SNIP1: variants seen among roughly 807,000 people sequenced by gnomAD.
The protein encoded by SNIP1 is Smad nuclear interacting protein 1, also known as smad nuclear-interacting protein 1.
SNIP1 carries 23 observed loss-of-function variants against 37.4 expected under a neutral mutation model. That is an observed-to-expected ratio of 0.61 (90% CI 0.44 to 0.87). SNIP1 has a LOEUF of 0.87. Ranked by LOEUF, SNIP1 falls within the 40% of genes least tolerant of loss-of-function variation. The probability of loss-of-function intolerance (pLI) is 0.00; values close to 1 mark genes in which losing one functional copy is unlikely to be tolerated. For missense variants in SNIP1, 459 were observed against 540.4 expected, an observed-to-expected ratio of 0.85 and a Z score of 1.49; for synonymous variants, 174 against 200.0, an observed-to-expected ratio of 0.87 and a Z score of 1.10.
At position 37,545,360 on chromosome 1, in the gene SNIP1, A is replaced by G. The variant is rs1643220919; in HGVS notation, c.328-4605T>C. ...ACTTCCCTGGTCACCAAGGCAGTGC[A>G]TGCATGTTGGGGTCTCCTTTACCTT... On this transcript the variant is annotated intron_variant, in intron 2 of 3. Coordinates refer to ENST00000296215, the MANE Select transcript of SNIP1 (RefSeq NM_024700.4). 5.7e-6 allele frequency: 3 copies of G among 528,704 alleles called. No individual in the cohort carries two copies. In the Admixed American group the frequency reaches 6.5e-5, roughly 11 times the overall value. 32.8% of individuals were successfully genotyped at this position (528,704 alleles called of 1,614,324 possible). A position where few individuals can be genotyped will look rare whatever the true frequency, so the allele number is the denominator to read the frequency against.
At chr1:37,550,707 C>CAAAAAAT (rs561025778) in intron 2 of SNIP1, among the ~76,000 whole-genome samples, 14 of 150,092 alleles carry the variant, frequency 9.3e-5, no homozygotes, top group East Asian at 2.0e-4. Flanking sequence ...AACTCCGTCT[C>CAAAAAAT]AAAAAATAAA....
chr1:37,535,327 G>C lies in SNIP1; in HGVS notation c.*2421C>G, dbSNP rs1245747283. On this transcript the variant is annotated 3_prime_UTR_variant, in exon 4 of 4. Coordinates refer to ENST00000296215, the MANE Select transcript of SNIP1 (RefSeq NM_024700.4). ...GAATCGCTTGAAACTGGGAGGCGGA[G>C]GTTGCAGTGAGCCAAGATGGTGCCA... The C allele has an allele frequency of 6.7e-6, 1 of 149,574 alleles. No homozygotes were observed. The highest frequency in any genetic ancestry group is 1.5e-5 in the Non-Finnish European group (1 of 67,692). 9.3% of individuals were successfully genotyped at this position (149,574 alleles called of 1,614,324 possible).
chr1:37,540,249 C>T lies in SNIP1; in HGVS notation c.834G>A (p.Gln278=). The T allele has an allele frequency of 6.2e-7, 1 of 1,614,134 alleles. No individual in the cohort carries two copies. Among genetic ancestry groups the T allele is most frequent in the Non-Finnish European group, 8.5e-7 (1 of 1,179,990 alleles). ...GGTGTCGACCCAGTAGGTACGCACTCTGTCGATGTATGTACATGACTGGAA... is the reference window on the plus strand; with the variant it reads ...GGTGTCGACCCAGTAGGTACGCACTTTGTCGATGTATGTACATGACTGGAA... ...EVLPVMYIHR[Q]SAYLLGRHRR... Residue 278 remains glutamine, a synonymous_variant, in exon 3 of 4, where the codon CAG becomes CAA. Transcript: ENST00000296215. This position sits in a 1 kb window ranked among gnomAD's most constrained non-coding sequence, Gnocchi z 5.6.
rs1048475260 is a variant in SNIP1, at chr1:37,535,077, A to C, written c.*2671T>G. On this transcript the variant is annotated 3_prime_UTR_variant, in exon 4 of 4. Transcript: ENST00000296215. ...GGAAAACAAGACCAAAAAAAAAAAAAAACACCTTCTCAGGCCAGGCCTGGT... is the reference window on the plus strand; with the variant it reads ...GGAAAACAAGACCAAAAAAAAAAAACAACACCTTCTCAGGCCAGGCCTGGT... 1 of 150,484 alleles carries C rather than the reference A, an allele frequency of 6.6e-6. No individual in the cohort carries two copies. Among genetic ancestry groups the C allele is most frequent in the Non-Finnish European group, 1.5e-5 (1 of 67,692 alleles). The allele number at this position is 150,484 out of a possible 1,614,324, so 9.3% of individuals were successfully genotyped here.
rs529237219 is a variant in SNIP1 at position 37,539,423 on chromosome 1, C to T, written c.926+734G>A. 5.3e-5 allele frequency among the ~76,000 whole-genome samples: 8 copies of T among 152,224 alleles called. No individual in the cohort carries two copies. In the East Asian group the frequency reaches 7.7e-4, roughly 15 times the overall value. On this transcript the variant is annotated intron_variant, in intron 3 of 3. Transcript: ENST00000296215. ...GAGACCATGTTAAAAAACAAACAAA[C>T]AAAACGGGCCAGCCGCAGTGGCTCA...
rs1643100298 is a variant in SNIP1, at chr1:37,536,678, C to T, written c.*1070G>A. The T allele has an allele frequency of 6.6e-6, 1 of 152,386 alleles. No individual in the cohort carries two copies. Among genetic ancestry groups the T allele is most frequent in the Admixed American group, 6.5e-5 (1 of 15,276 alleles). The allele number at this position is 152,386 out of a possible 1,614,324, so 9.4% of individuals were successfully genotyped here. On this transcript the variant is annotated 3_prime_UTR_variant, in exon 4 of 4. Transcript: ENST00000296215. Reference sequence around the variant, plus strand: ...CTTTAACACACAATTTACATATATACATACATACACACTATATGTAAGCAG... The same window carrying T: ...CTTTAACACACAATTTACATATATATATACATACACACTATATGTAAGCAG...
intron 2 of SNIP1, chr1:37,552,364 A>C: frequency 2.6e-6 from 1 of 380,990 alleles, no homozygotes; most frequent in Non-Finnish European, 4.9e-6. Context: ...AATAGATGTT[A>C]CCACTGGGAG....
At chr1:37,552,352 T>C (rs542419570) in intron 2 of SNIP1, 2 of 342,992 alleles carry the variant, frequency 5.8e-6, no homozygotes, top group South Asian at 3.3e-5. Context: ...AGTTCTGTTA[T>C]GAATAGATGT....
In SNIP1 at chr1:37,540,122, G is replaced by C; in HGVS notation, c.926+35C>G. ...TAATCCTAACTGAGTGATTGTTTCT[G>C]CTCACATTACAGTTTCTTCCTCCAT... On this transcript the variant is annotated intron_variant, in intron 3 of 3. Coordinates refer to ENST00000296215, the MANE Select transcript of SNIP1 (RefSeq NM_024700.4). The surrounding 1 kb of genome is among the most constrained non-coding windows in gnomAD (Gnocchi z 5.6). 6.6e-7 allele frequency: 1 copy of C among 1,515,288 alleles called. No individual in the cohort carries two copies. Among genetic ancestry groups the C allele is most frequent in the Non-Finnish European group, 8.9e-7 (1 of 1,120,628 alleles). 93.9% of individuals were successfully genotyped at this position (1,515,288 alleles called of 1,614,324 possible).
chr1:37,536,126 G>C lies in SNIP1; in HGVS notation c.*1622C>G, dbSNP rs76975195. On this transcript the variant is annotated 3_prime_UTR_variant, in exon 4 of 4. Coordinates refer to ENST00000296215, the MANE Select transcript of SNIP1 (RefSeq NM_024700.4). ...TGTGCCCATGCCCGGCCCAACTTAC[G>C]TTTCATCTAATGACCTTATTAAGTG... 1 of 152,108 alleles carries C rather than the reference G, an allele frequency of 6.6e-6. No homozygotes were observed. Among genetic ancestry groups the C allele is most frequent in the Non-Finnish European group, 1.5e-5 (1 of 68,042 alleles). The allele number at this position is 152,108 out of a possible 1,614,324, so 9.4% of individuals were successfully genotyped here. A position where few individuals can be genotyped will look rare whatever the true frequency, so the allele number is the denominator to read the frequency against.
chr1:37,540,032 A>G lies in SNIP1; in HGVS notation c.926+125T>C. ...TATTTAAAGGGCAGTTAGATTAACA[A>G]TACTCTTTAGATAACATATGAGGGG... is the stretch of plus-strand genomic sequence containing the variant. On this transcript the variant is annotated intron_variant, in intron 3 of 3. Coordinates refer to ENST00000296215, the MANE Select transcript of SNIP1 (RefSeq NM_024700.4). The surrounding 1 kb of genome is among the most constrained non-coding windows in gnomAD (Gnocchi z 5.6). The G allele has an allele frequency of 5.4e-6, 4 of 745,024 alleles. No individual in the cohort carries two copies. The highest frequency in any genetic ancestry group is 8.8e-6 in the Non-Finnish European group (4 of 453,332). The allele number at this position is 745,024 out of a possible 1,614,324, so 46.2% of individuals were successfully genotyped here.
rs142702900 is a variant in SNIP1 at position 37,535,424 on chromosome 1, C to G, written c.*2324G>C. On this transcript the variant is annotated 3_prime_UTR_variant, in exon 4 of 4. Coordinates refer to ENST00000296215, the MANE Select transcript of SNIP1 (RefSeq NM_024700.4). ...ACAAACCAACAAAAAAACCCACCTT[C>G]TCAGATATGTGGCATAAAGAATTTC... 6.6e-6 allele frequency: 1 copy of G among 151,520 alleles called. No individual in the cohort carries two copies. Among genetic ancestry groups the G allele is most frequent in the African/African-American group, 2.4e-5 (1 of 41,218 alleles). The allele number at this position is 151,520 out of a possible 1,614,324, so 9.4% of individuals were successfully genotyped here.
At chr1:37,549,195 C>T (rs929095943) in intron 2 of SNIP1, among the ~76,000 whole-genome samples, 1 of 150,802 alleles carries the variant, frequency 6.6e-6, no homozygotes, top group Non-Finnish European at 1.5e-5. Flanking sequence ...TAACAATGAA[C>T]ATTTGGACAC....
In SNIP1 at chr1:37,552,455, A is replaced by C. The variant is rs1229132549; in HGVS notation, c.327+190T>G. 2.1e-5 allele frequency: 12 copies of C among 574,872 alleles called. No homozygotes were observed. The East Asian group carries it at 3.2e-4, about 16-fold the overall frequency. The allele number at this position is 574,872 out of a possible 1,614,324, so 35.6% of individuals were successfully genotyped here. A position where few individuals can be genotyped will look rare whatever the true frequency, so the allele number is the denominator to read the frequency against. The stretch of plus-strand genomic sequence containing the variant: ...TAATAATCTCAAAATAAAAAGTTTA[A>C]TTTAAGCAAACAAGCAGAAAAAATA... On this transcript the variant is annotated intron_variant, in intron 2 of 3. Coordinates refer to ENST00000296215, the MANE Select transcript of SNIP1 (RefSeq NM_024700.4).
intron 2 of SNIP1, among the ~76,000 whole-genome samples, chr1:37,550,383 T>TA (rs1379024747): frequency 5.3e-5 from 8 of 152,066 alleles, no homozygotes; most frequent in Non-Finnish European, 1.0e-4. Context: ...CACTAAACAG[T>TA]AAAAAAGCAA....
At position 37,537,780 on chromosome 1, in the gene SNIP1, C is replaced by T. The variant is rs1643116733; in HGVS notation, c.1159G>A (p.Glu387Lys). Residue 387 changes from glutamate to lysine, a missense_variant, in exon 4 of 4, where the codon GAG (glutamate) becomes AAG (lysine). Glu to Lys is a moderately conservative substitution (Grantham distance 56). Coordinates refer to ENST00000296215, the MANE Select transcript of SNIP1 (RefSeq NM_024700.4). Reference protein sequence around the residue: ...SEIDRKDDEDEEEEEEVSDS With the variant: ...SEIDRKDDEDKEEEEEVSDS The stretch of plus-strand genomic sequence containing the variant: ...TCAGACACTTCTTCCTCCTCCTCCT[C>T]ATCCTCGTCATCTTTCCTGTCTATT... 1.2e-6 allele frequency: 2 copies of T among 1,614,122 alleles called. No homozygotes were observed. Among genetic ancestry groups the T allele is most frequent in the African/African-American group, 1.3e-5 (1 of 75,054 alleles).
At chr1:37,547,160 T>C (rs1643248313) in intron 2 of SNIP1, among the ~76,000 whole-genome samples, 2 of 152,198 alleles carry the variant, frequency 1.3e-5, no homozygotes, top group African/African-American at 4.8e-5. Context: ...TCACTGCAGA[T>C]GTAATAAATT....
Position 37,537,441 on chromosome 1 carries a change from G to A in SNIP1, c.*307C>T, listed in dbSNP as rs2148111405. The stretch of plus-strand genomic sequence containing the variant: ...AGGGTTTATAGTTTCCTAGGCAGCA[G>A]TTCTGAAAGCACCAACTAAAACCAC... On this transcript the variant is annotated 3_prime_UTR_variant, in exon 4 of 4. Coordinates refer to ENST00000296215, the MANE Select transcript of SNIP1 (RefSeq NM_024700.4). 1 of 322,210 alleles carries A rather than the reference G, an allele frequency of 3.1e-6. No homozygotes were observed. Among genetic ancestry groups the A allele is most frequent in the Non-Finnish European group, 5.7e-6 (1 of 174,682 alleles). 20.0% of individuals were successfully genotyped at this position (322,210 alleles called of 1,614,324 possible). A position where few individuals can be genotyped will look rare whatever the true frequency, so the allele number is the denominator to read the frequency against.
Position 37,537,644 on chromosome 1 carries a change from A to T in SNIP1, c.*104T>A. On this transcript the variant is annotated 3_prime_UTR_variant, in exon 4 of 4. Transcript: ENST00000296215. Reference sequence around the variant, plus strand: ...AAGACTTAAGGCAGTAAGAGGCATTACAGAGAGCACCATAGTGCTGGACCC... The same window carrying T: ...AAGACTTAAGGCAGTAAGAGGCATTTCAGAGAGCACCATAGTGCTGGACCC... 8.0e-7 allele frequency: 1 copy of T among 1,247,758 alleles called. No individual in the cohort carries two copies. The highest frequency in any genetic ancestry group is 1.1e-6 in the Non-Finnish European group (1 of 889,114). The allele number at this position is 1,247,758 out of a possible 1,614,324, so 77.3% of individuals were successfully genotyped here.
Sources: allele counts gnomAD v4.1 joint callset (sites outside exome capture counted in the v4.1 genomes callset), GRCh38; gene constraint gnomAD v4.1.1; non-coding constraint Gnocchi (gnomAD v3.1); transcripts MANE v1.5; gene names NCBI Gene and HGNC (gene_info 2026-07-23, HGNC 2026-07-21).